The following CCSER1 variants were observed in gnomAD, a reference collection of about 807,000 sequenced individuals.
The protein encoded by CCSER1 is coiled-coil serine rich protein 1.
A neutral mutation model predicts 82.0 loss-of-function variants in CCSER1; 41 were observed. The observed-to-expected ratio is 0.50, with a 90% CI of 0.39 to 0.65. CCSER1 has a LOEUF of 0.65. Among genes scored for constraint, CCSER1 ranks in the 30% least tolerant of loss-of-function variants. The pLI, the probability that CCSER1 is intolerant of heterozygous loss-of-function variation, is 0.00. For synonymous variants in CCSER1, 414 were observed against 383.9 expected (o/e 1.08, Z -0.92); for missense variants, 1,119 against 1,064.2 (o/e 1.05, Z -0.72).
intron 1 of CCSER1, among the ~76,000 whole-genome samples, chr4:90,186,839 GT>G (rs558403831): frequency 1.8e-4 from 27 of 151,504 alleles, no homozygotes; most frequent in African/African-American, 6.3e-4. Context: ...TGATTTCCTG[GT>G]TTTTCCCCCC....
At chr4:90,987,425 C>G (rs10516882) in intron 9 of CCSER1, among the ~76,000 whole-genome samples, 1 of 151,260 alleles carries the variant, frequency 6.6e-6, no homozygotes, top group South Asian at 2.1e-4. Flanking sequence ...CTAGACTTGC[C>G]TTCTCCTGTA....
At chr4:91,241,449 C>G (rs1473873977) in intron 10 of CCSER1, among the ~76,000 whole-genome samples, 1 of 148,340 alleles carries the variant, frequency 6.7e-6, no homozygotes, top group Non-Finnish European at 1.5e-5. Flanking sequence ...CCTCAGCCTC[C>G]CGAGTAGCTG....
At chr4:91,088,474 A>G (rs1357295811) in intron 10 of CCSER1, among the ~76,000 whole-genome samples, 1 of 152,212 alleles carries the variant, frequency 6.6e-6, no homozygotes, top group Non-Finnish European at 1.5e-5. Flanking sequence ...ATTTGAAACT[A>G]TATGCTGTAT....
intron 5 of CCSER1, among the ~76,000 whole-genome samples, chr4:90,593,324 C>T (rs1447102413): frequency 6.6e-6 from 1 of 151,942 alleles, no homozygotes; most frequent in African/African-American, 2.4e-5. Context: ...TTCTTGACGT[C>T]TTGAACAAAG....
intron 10 of CCSER1, among the ~76,000 whole-genome samples, chr4:91,330,003 G>A (rs999650148): frequency 1.3e-5 from 2 of 151,808 alleles, no homozygotes; most frequent in African/African-American, 4.8e-5. Context: ...TTCCTCTGCT[G>A]TATTCTTTGG....
At chr4:91,152,778 A>G (rs1730373496) in intron 10 of CCSER1, among the ~76,000 whole-genome samples, 1 of 148,746 alleles carries the variant, frequency 6.7e-6, no homozygotes, top group Non-Finnish European at 1.5e-5. Context: ...TCCCTTATGA[A>G]GCTTAGTTTG....
At chr4:90,465,097 G>A (rs368197772) in intron 4 of CCSER1, among the ~76,000 whole-genome samples, 87 of 152,072 alleles carry the variant, frequency 5.7e-4, no homozygotes, top group South Asian at 1.7e-3. Flanking sequence ...CCAAGTAGCC[G>A]GGATTACAGG....
intron 10 of CCSER1, among the ~76,000 whole-genome samples, chr4:91,258,295 G>A (rs2149161150): frequency 6.6e-6 from 1 of 152,034 alleles, no homozygotes; most frequent in South Asian, 2.1e-4. Flanking sequence ...AAAACTGGAT[G>A]GCTAATATTT....
At chr4:90,577,659 G>C (rs1479626600) in intron 5 of CCSER1, among the ~76,000 whole-genome samples, 2 of 151,886 alleles carry the variant, frequency 1.3e-5, no homozygotes, top group African/African-American at 4.8e-5. Context: ...CTTTTTACAT[G>C]CTGGCCTGGA....
chr4:90,733,060 C>G (rs1382947211), intron 7 of CCSER1, among the ~76,000 whole-genome samples: 4 of 152,258 alleles, frequency 2.6e-5, no homozygotes, highest in Non-Finnish European at 2.9e-5. Flanking sequence ...AGTGGGATTG[C>G]TGGATCAAAT....
intron 10 of CCSER1, among the ~76,000 whole-genome samples, chr4:91,188,846 C>A (rs142748745): frequency 1.3e-3 from 195 of 152,020 alleles, no homozygotes; most frequent in African/African-American, 4.4e-3. Flanking sequence ...TCATAATATA[C>A]CCATAATTAT....
chr4:91,562,983 TA>T (rs979842509), intron 10 of CCSER1, among the ~76,000 whole-genome samples: 41 of 151,632 alleles, frequency 2.7e-4, no homozygotes, highest in African/African-American at 9.6e-4. Flanking sequence ...TATGTGCAAT[TA>T]AAAAGTCATA....
chr4:90,385,460 G>GT (rs199523272), intron 3 of CCSER1, among the ~76,000 whole-genome samples: 3,837 of 134,700 alleles, frequency 0.028, 167 homozygotes, highest in African/African-American at 0.08. Flanking sequence ...TCTCGGTGTA[G>GT]TTTTTTTTTT....
At chr4:91,359,956 A>G (rs1028902208) in intron 10 of CCSER1, among the ~76,000 whole-genome samples, 1 of 151,818 alleles carries the variant, frequency 6.6e-6, no homozygotes, top group East Asian at 1.9e-4. Flanking sequence ...GCAAACAGAT[A>G]TTAAGGTGAG....
intron 10 of CCSER1, among the ~76,000 whole-genome samples, chr4:91,552,167 T>C (rs1462953056): frequency 6.6e-6 from 1 of 151,786 alleles, no homozygotes; most frequent in Non-Finnish European, 1.5e-5. Context: ...CAAATTTGCA[T>C]AGACAAGAGA....
intron 1 of CCSER1, among the ~76,000 whole-genome samples, chr4:90,255,760 T>G (rs747115290): frequency 2.0e-5 from 3 of 152,124 alleles, no homozygotes; most frequent in Non-Finnish European, 2.9e-5. Context: ...GCAAGAGAAG[T>G]CTTTATAGAA....
chr4:90,603,964 C>T (rs1784324001), intron 5 of CCSER1, among the ~76,000 whole-genome samples: 1 of 151,906 alleles, frequency 6.6e-6, no homozygotes, highest in African/African-American at 2.4e-5. Context: ...TAAGACCTAA[C>T]ATCTAGCATC....
At chr4:90,356,165 C>A (rs1488757428) in intron 3 of CCSER1, among the ~76,000 whole-genome samples, 1 of 151,812 alleles carries the variant, frequency 6.6e-6, no homozygotes, top group Non-Finnish European at 1.5e-5. Context: ...TACAGTATAT[C>A]AAACACACTA....
At chr4:90,219,056 T>C (rs1326284211) in intron 1 of CCSER1, among the ~76,000 whole-genome samples, 1 of 152,164 alleles carries the variant, frequency 6.6e-6, no homozygotes, top group Non-Finnish European at 1.5e-5. Context: ...GAAGTTGGCA[T>C]TTTAGAAGGC....
Sources: gnomAD v4.1 joint callset for allele counts (sites outside exome capture counted in the v4.1 genomes callset) on GRCh38, gnomAD v4.1.1 for gene constraint, MANE v1.5 for transcripts, NCBI Gene and HGNC (gene_info 2026-07-23, HGNC 2026-07-21) for gene names.